The following GLE1 variants were observed in gnomAD, a reference collection of about 807,000 sequenced individuals.
The protein encoded by GLE1 is mRNA export factor GLE1.
Under a neutral mutation model 97.3 loss-of-function variants are expected in GLE1, and 78 were observed. The ratio of observed to expected loss-of-function variants is 0.80; its 90% CI spans 0.67 to 0.97. GLE1 has a LOEUF of 0.97. Among genes scored for constraint, GLE1 ranks in the 50% least tolerant of loss-of-function variants. The probability of loss-of-function intolerance (pLI) is 0.00; values close to 1 mark genes in which losing one functional copy is unlikely to be tolerated. For missense variants in GLE1, 753 were observed against 857.5 expected, an observed-to-expected ratio of 0.88 and a Z score of 1.52; for synonymous variants, 302 against 313.4, an observed-to-expected ratio of 0.96 and a Z score of 0.39.
chr9:128,504,974 G>C, intron 1 of GLE1, 70 bp downstream of exon 1: 1 of 1,004,666 alleles, frequency 1.0e-6, no homozygotes, highest in Non-Finnish European at 1.6e-6. Flanking sequence ...CCTAGCCGTT[G>C]GCACGTTCTG....
chr9:128,512,925 A>G (rs892163447), intron 2 of GLE1, among the ~76,000 whole-genome samples: 1 of 152,242 alleles, frequency 6.6e-6, no homozygotes, highest in South Asian at 2.1e-4. Context: ...CTGGGATTAC[A>G]GGCATGAGCC....
intron 13 of GLE1, among the ~76,000 whole-genome samples, chr9:128,538,390 C>T (rs1295925922): frequency 5.3e-5 from 8 of 152,096 alleles, no homozygotes; most frequent in African/African-American, 9.7e-5. Flanking sequence ...AGGCCGGGTG[C>T]GGTGGATCAC....
intron 13 of GLE1, among the ~76,000 whole-genome samples, chr9:128,538,625 C>T (rs1363564471): frequency 2.6e-5 from 4 of 152,084 alleles, no homozygotes; most frequent in East Asian, 1.9e-4. Flanking sequence ...GGTGAAACCC[C>T]GTCTCTACTA....
In GLE1 at chr9:128,532,174, C is replaced by CT. The variant is rs1847534011; in HGVS notation, c.1313-1337dup. Among the ~76,000 whole-genome samples, 6 of 141,574 alleles carry CT rather than the reference C, an allele frequency of 4.2e-5. No individual in the cohort carries two copies. The South Asian group carries it at 1.3e-3, about 31-fold the overall frequency. 92.9% of individuals were successfully genotyped at this position (141,574 alleles called of 152,430 possible). A position where few individuals can be genotyped will look rare whatever the true frequency, so the allele number is the denominator to read the frequency against. On this transcript the variant is annotated intron_variant, in intron 9 of 15. Coordinates refer to ENST00000309971, the MANE Select transcript of GLE1 (RefSeq NM_001003722.2). ...ATTAATTAAAACATTGACTTCAGGA[C>CT]TTCAGGTAATGGAAAGTAATTCAGA...
rs1274347026 is a variant in GLE1 at position 128,527,213 on chromosome 9, G to A, written c.1164G>A (p.Gln388=). ...LQVKVQDITM[Q]WYQQLQDASM... is the part of the protein sequence containing the mutation. ...TGAAGGTACAAGACATTACAATGCA[G>A]TGGTACCAGCAGCTGCAGGATGCTT... is the stretch of plus-strand genomic sequence containing the variant. The change falls in exon 8 of 16, where the codon CAG becomes CAA. Residue 388 remains glutamine, a synonymous_variant. Transcript: ENST00000309971. 17 of 1,610,086 alleles carry A rather than the reference G, an allele frequency of 1.1e-5. No homozygotes were observed. Among genetic ancestry groups the A allele is most frequent in the South Asian group, 2.2e-5 (2 of 91,004 alleles).
chr9:128,524,540 C>CTTTTTTTTTTTTTTTTTTTTTTTT (rs71381767), intron 6 of GLE1, among the ~76,000 whole-genome samples: 1 of 39,624 alleles, frequency 2.5e-5, no homozygotes, highest in Non-Finnish European at 4.7e-5. Context: ...CTTTGCTTTG[C>CTTTTTTTTTTTTTTTTTTTTTTTT]TTTTTTTTTT....
At chr9:128,515,968 G>A (rs996334009) in intron 3 of GLE1, among the ~76,000 whole-genome samples, 2 of 63,566 alleles carry the variant, frequency 3.1e-5, no homozygotes, top group South Asian at 4.7e-4. Flanking sequence ...TTTTTTTTTT[G>A]AGGTGGAGTT....
chr9:128,509,054 C>T lies in GLE1; in HGVS notation c.278C>T (p.Ser93Phe), dbSNP rs1384593047. Residue 93 changes from serine to phenylalanine, a missense_variant, in exon 2 of 16, where the codon TCT (serine) becomes TTT (phenylalanine). By Grantham distance (155) the Ser-to-Phe change is radical. Transcript: ENST00000309971. ...GTTCCCAAATCTCCTGACGCAAGCT[C>T]TGCCTTTTCCCCAGCCTCCCCTGCA... ...SFVPKSPDAS[S>F]AFSPASPATP... The T allele has an allele frequency of 1.2e-6, 2 of 1,613,770 alleles. No homozygotes were observed. Among genetic ancestry groups the T allele is most frequent in the Non-Finnish European group, 1.7e-6 (2 of 1,179,760 alleles).
Position 128,523,288 on chromosome 9 carries a change from A to G in GLE1, c.590A>G (p.Glu197Gly). Residue 197 changes from glutamate to glycine, a missense_variant, in exon 5 of 16, where the codon GAA becomes GGA. By Grantham distance (98) the Glu-to-Gly change is moderately conservative (BLOSUM62 -2). Coordinates refer to ENST00000309971, the MANE Select transcript of GLE1 (RefSeq NM_001003722.2). ...LREVMEKSSR[E>G]ALGHQEKLKA... ...TGCCATTTTTCATGCAGCTCCAGAG[A>G]AGCCTTGGGACACCAAGAGAAGCTA... 1.2e-6 allele frequency: 2 copies of G among 1,611,390 alleles called. No homozygotes were observed. The highest frequency in any genetic ancestry group is 1.7e-6 in the Non-Finnish European group (2 of 1,177,494).
At chr9:128,506,187 A>G (rs934736794) in intron 1 of GLE1, among the ~76,000 whole-genome samples, 1 of 152,096 alleles carries the variant, frequency 6.6e-6, no homozygotes, top group African/African-American at 2.4e-5. Context: ...CTCTACTAAA[A>G]ATACAAAATT....
rs895434820 is a variant in GLE1 at position 128,504,754 on chromosome 9, G to A, written c.-52G>A. ...GTGGCCTTCCCGGCGGCTGATTCGA[G>A]GGCTTGTTTGGTCAGAAGGGGGGCG... On this transcript the variant is annotated 5_prime_UTR_variant, in exon 1 of 16. Coordinates refer to ENST00000309971, the MANE Select transcript of GLE1 (RefSeq NM_001003722.2). 8.0e-7 allele frequency: 1 copy of A among 1,246,418 alleles called. No individual in the cohort carries two copies. The highest frequency in any genetic ancestry group is 1.5e-5 in the African/African-American group (1 of 68,068). The allele number at this position is 1,246,418 out of a possible 1,614,324, so 77.2% of individuals were successfully genotyped here.
chr9:128,532,034 TGGCTTTTTTTTTTTTTGATAAGA>T (rs949657618), intron 9 of GLE1, among the ~76,000 whole-genome samples: 6 of 149,280 alleles, frequency 4.0e-5, no homozygotes, highest in African/African-American at 1.5e-4. Context: ...TCCACATGGT[TGGCTTTTTTTTTTTTTGATAAGA>T]GAACTGAATG....
At position 128,534,567 on chromosome 9, in the gene GLE1, A is replaced by G. The variant is rs554230493; in HGVS notation, c.1646+616A>G. The stretch of plus-strand genomic sequence containing the variant: ...TAGTCTTTTTGAGCATCTTTTCCTG[A>G]TTTTTAAATGAGGGTAATGACATCT... On this transcript the variant is annotated intron_variant, in intron 11 of 15. Coordinates refer to ENST00000309971, the MANE Select transcript of GLE1 (RefSeq NM_001003722.2). Among the ~76,000 whole-genome samples, 34 of 152,010 alleles carry G rather than the reference A, an allele frequency of 2.2e-4. No homozygotes were observed. The East Asian group carries it at 5.0e-3, about 22-fold the overall frequency.
chr9:128,528,129 T>G (rs1307326210), intron 9 of GLE1, among the ~76,000 whole-genome samples: 1 of 148,722 alleles, frequency 6.7e-6, no homozygotes, highest in Non-Finnish European at 1.5e-5. Context: ...CTCAGCCTTC[T>G]GAGTAGCTGG....
intron 11 of GLE1, among the ~76,000 whole-genome samples, chr9:128,535,240 G>A (rs1437435108): frequency 6.6e-6 from 1 of 151,556 alleles, no homozygotes; most frequent in African/African-American, 2.4e-5. Context: ...GGCTGGGCGC[G>A]GTGGCTCACG....
rs780040274 is a variant in GLE1, at chr9:128,525,332, A to G, written c.1038A>G (p.Val346=). ...GGCAGGATGAAGAAGAGGCCCAGGTAAAGCTGCAAGAGGCACAGATGCAGC... is the reference window on the plus strand; with the variant it reads ...GGCAGGATGAAGAAGAGGCCCAGGTGAAGCTGCAAGAGGCACAGATGCAGC... ...KRRQDEEEAQ[V]KLQEAQMQQG... is the part of the protein sequence containing the mutation. The change falls in exon 7 of 16, where the codon GTA becomes GTG. Residue 346 remains valine (V), a synonymous_variant. Transcript: ENST00000309971. The G allele has an allele frequency of 3.1e-6, 5 of 1,613,986 alleles. No homozygotes were observed. The South Asian group carries it at 5.5e-5, about 18-fold the overall frequency.
chr9:128,515,704 G>T, intron 3 of GLE1, 65 bp downstream of exon 3: 1 of 838,944 alleles, frequency 1.2e-6, no homozygotes, highest in East Asian at 2.5e-5. Context: ...CAGTTCCCCA[G>T]GGCGTAGGAA....
intron 11 of GLE1, among the ~76,000 whole-genome samples, chr9:128,534,799 A>G (rs920336109): frequency 2.6e-5 from 4 of 151,836 alleles, no homozygotes; most frequent in African/African-American, 7.3e-5. Context: ...GCTCACTGCA[A>G]CCTCTGCCTC....
intron 1 of GLE1, among the ~76,000 whole-genome samples, chr9:128,506,597 G>T (rs1265418560): frequency 1.3e-5 from 2 of 152,170 alleles, no homozygotes; most frequent in East Asian, 3.8e-4. Context: ...AGTGGAGGAT[G>T]GTGCTGTATT....
Sources: allele counts gnomAD v4.1 joint callset (sites outside exome capture counted in the v4.1 genomes callset), GRCh38; gene constraint gnomAD v4.1.1; transcripts MANE v1.5; gene names NCBI Gene and HGNC (gene_info 2026-07-23, HGNC 2026-07-21).